Variants in RHBDF2 observed in about 807,000 individuals in gnomAD.
RHBDF2 encodes the protein rhomboid 5 homolog 2.
RHBDF2 carries 38 observed loss-of-function variants against 95.2 expected under a neutral mutation model. That is an observed-to-expected ratio of 0.40 (90% CI 0.31 to 0.52). The LOEUF is 0.52. Ranked by LOEUF, RHBDF2 falls within the 20% of genes least tolerant of loss-of-function variation. The probability of loss-of-function intolerance (pLI) is 0.56; values close to 1 mark genes in which losing one functional copy is unlikely to be tolerated. For missense variants in RHBDF2, 863 were observed against 1,137.7 expected, an observed-to-expected ratio of 0.76 and a Z score of 3.47; for synonymous variants, 442 against 462.0, an observed-to-expected ratio of 0.96 and a Z score of 0.55.
At chr17:76,497,285 G>T (rs929190897) in intron 1 of RHBDF2, among the ~76,000 whole-genome samples, 2 of 152,098 alleles carry the variant, frequency 1.3e-5, no homozygotes, top group Non-Finnish European at 2.9e-5. Context: ...CAGCTGAGGG[G>T]CACCAACTCC....
chr17:76,500,934 A>C (rs554379111), intron 1 of RHBDF2: 1 of 152,368 alleles, frequency 6.6e-6, no homozygotes, highest in East Asian at 1.9e-4. Flanking sequence ...CCCGGTGCTC[A>C]CCCGGGAGAA....
chr17:76,473,085 C>A lies in RHBDF2; in HGVS notation c.1830G>T (p.Val610=). 2 of 1,614,068 alleles carry A rather than the reference C, an allele frequency of 1.2e-6. No individual in the cohort carries two copies. Among genetic ancestry groups the A allele is most frequent in the Non-Finnish European group, 1.7e-6 (2 of 1,179,934 alleles). The change falls in exon 17 of 19, where the codon GTG becomes GTT. Residue 610 remains valine, a synonymous_variant. Coordinates refer to ENST00000675367, the MANE Select transcript of RHBDF2 (RefSeq NM_001005498.4). Reference sequence around the variant, plus strand: ...GGTTGAGGAAGGGCAGCAGCCCACACACCTTGTCCAAGCAGTGCACCTGGG... The same window carrying A: ...GGTTGAGGAAGGGCAGCAGCCCACAAACCTTGTCCAAGCAGTGCACCTGGG... ...LCSQVHCLDK[V]CGLLPFLNPE...
Position 76,479,327 on chromosome 17 carries a change from G to A in RHBDF2, c.273-50C>T, listed in dbSNP as rs150316415. ...TGGGCATACGCTTGTCTACGCCTGT[G>A]CACCTGAGTGTGTGGAAGGGGTGAT... is the stretch of plus-strand genomic sequence containing the variant. On this transcript the variant is annotated intron_variant, in intron 4 of 18. Coordinates refer to ENST00000675367, the MANE Select transcript of RHBDF2 (RefSeq NM_001005498.4). 60,325 of 1,548,220 alleles carry A rather than the reference G, an allele frequency of 0.039. 1,387 individuals carry two copies. Among genetic ancestry groups the A allele is most frequent in the Middle Eastern group, 0.056 (336 of 5,998 alleles).
At chr17:76,497,501 C>T (rs964378380) in intron 1 of RHBDF2, among the ~76,000 whole-genome samples, 1 of 152,226 alleles carries the variant, frequency 6.6e-6, no homozygotes, top group Non-Finnish European at 1.5e-5. Flanking sequence ...TATGCGTGTT[C>T]CCATCTAGTC....
At chr17:76,478,101 T>A (rs1452226030) in intron 6 of RHBDF2, among the ~76,000 whole-genome samples, 1 of 152,190 alleles carries the variant, frequency 6.6e-6, no homozygotes, top group Non-Finnish European at 1.5e-5. Context: ...CCACATTCTA[T>A]ACCCTCACTC....
At chr17:76,494,522 T>C (rs1598170439) in intron 1 of RHBDF2, among the ~76,000 whole-genome samples, 2 of 151,990 alleles carry the variant, frequency 1.3e-5, no homozygotes, top group South Asian at 4.1e-4. Context: ...GAGGCTGAGG[T>C]GGGCAGATCA....
chr17:76,479,293 A>G lies in RHBDF2; in HGVS notation c.273-16T>C, dbSNP rs1305399734. 1.9e-6 allele frequency: 3 copies of G among 1,585,120 alleles called. No individual in the cohort carries two copies. In the African/African-American group the frequency reaches 4.0e-5, roughly 21 times the overall value. ...GGCTGCGCCCCTGCGGAAGCAGACA[A>G]GGGACAGGTGGGCATACGCTTGTCT... On this transcript the variant is annotated splice_polypyrimidine_tract_variant and intron_variant, in intron 4 of 18. Transcript: ENST00000675367.
chr17:76,472,140 T>C, intron 18 of RHBDF2, 88 bp from the exon 19 acceptor site: 1 of 1,330,506 alleles, frequency 7.5e-7, no homozygotes, highest in Non-Finnish European at 1.0e-6. Flanking sequence ...ATCGATCAGC[T>C]CCTCCCTGGC....
In RHBDF2 at chr17:76,471,945, C is replaced by T. The variant is rs1425477966; in HGVS notation, c.2172G>A (p.Ser724=). ...ERPWKAFLNL[S]AIVLFLFICG... is the part of the protein sequence containing the mutation. ...AGATGAACAGGAAGAGCACGATGGC[C>T]GAGAGGTTGAGGAAGGCCTTCCAGG... Residue 724 remains serine, a synonymous_variant, in exon 19 of 19, where the codon TCG becomes TCA. Coordinates refer to ENST00000675367, the MANE Select transcript of RHBDF2 (RefSeq NM_001005498.4). 1.3e-5 allele frequency: 20 copies of T among 1,570,848 alleles called. No homozygotes were observed. The highest frequency in any genetic ancestry group is 2.3e-5 in the South Asian group (2 of 85,616).
At chr17:76,497,958 CG>C (rs2074469152) in intron 1 of RHBDF2, among the ~76,000 whole-genome samples, 1 of 152,206 alleles carries the variant, frequency 6.6e-6, no homozygotes, top group African/African-American at 2.4e-5. Context: ...CTGCAGGAGC[CG>C]GGCACTGGGG....
chr17:76,479,491 C>T (rs1211633380), intron 4 of RHBDF2: 2 of 799,098 alleles, frequency 2.5e-6, no homozygotes, highest in Non-Finnish European at 4.2e-6. Flanking sequence ...CCCCAGGCAC[C>T]CCCACACTGA....
At chr17:76,477,396 G>C (rs990607686) in intron 7 of RHBDF2, 98 bp from the exon 8 acceptor site, 20 of 1,410,196 alleles carry the variant, frequency 1.4e-5, no homozygotes, top group Non-Finnish European at 1.9e-5. Context: ...GAACAGACGG[G>C]CTCTTCACAA....
intron 1 of RHBDF2, among the ~76,000 whole-genome samples, chr17:76,491,793 G>A (rs1007190837): frequency 4.6e-5 from 7 of 152,338 alleles, no homozygotes; most frequent in South Asian, 2.1e-4. Context: ...GCGGGGAAAG[G>A]AGTGGGGACT....
chr17:76,474,641 G>C (rs779195548), intron 11 of RHBDF2, 89 bp downstream of exon 11: 1 of 1,611,788 alleles, frequency 6.2e-7, no homozygotes, highest in Non-Finnish European at 8.5e-7. Context: ...AGGGGCCTGC[G>C]GGTGGGTGAG....
chr17:76,484,959 G>T (rs2074080025), intron 2 of RHBDF2, among the ~76,000 whole-genome samples: 2 of 152,218 alleles, frequency 1.3e-5, no homozygotes, highest in Admixed American at 1.3e-4. Flanking sequence ...CCCCAGAGAA[G>T]CGTCTGGAGG....
At chr17:76,480,684 G>A (rs1567880466) in intron 3 of RHBDF2, among the ~76,000 whole-genome samples, 1 of 152,192 alleles carries the variant, frequency 6.6e-6, no homozygotes, top group Non-Finnish European at 1.5e-5. Flanking sequence ...ACCTCGCCCA[G>A]CCTCATTCTG....
intron 1 of RHBDF2, among the ~76,000 whole-genome samples, chr17:76,490,463 C>G (rs1415727086): frequency 6.6e-6 from 1 of 152,184 alleles, no homozygotes; most frequent in Non-Finnish European, 1.5e-5. Flanking sequence ...ACAGCCTCAC[C>G]TGGGACCTCT....
intron 18 of RHBDF2, 59 bp from the exon 19 acceptor site, chr17:76,472,111 C>T (rs1323254633): frequency 2.0e-6 from 3 of 1,466,638 alleles, no homozygotes; most frequent in Non-Finnish European, 2.7e-6. Flanking sequence ...TGGGCCGGGC[C>T]TGCACCCTGG....
intron 3 of RHBDF2, among the ~76,000 whole-genome samples, chr17:76,480,934 C>T (rs1184312558): frequency 2.0e-5 from 3 of 152,210 alleles, no homozygotes; most frequent in Non-Finnish European, 4.4e-5. Context: ...CTAGACCAGA[C>T]TGTCAGAAAC....
Sources: gnomAD v4.1 joint callset for allele counts (sites outside exome capture counted in the v4.1 genomes callset) on GRCh38, gnomAD v4.1.1 for gene constraint, MANE v1.5 for transcripts, NCBI Gene and HGNC (gene_info 2026-07-23, HGNC 2026-07-21) for gene names.